Variants in PTPRG observed in about 807,000 individuals in gnomAD.
PTPRG encodes protein tyrosine phosphatase receptor type G.
PTPRG carries 102 observed loss-of-function variants against 165.3 expected under a neutral mutation model. The observed-to-expected ratio is 0.62, with a 90% CI of 0.53 to 0.73. PTPRG has a LOEUF of 0.73. Ranked by LOEUF, PTPRG falls within the 30% of genes least tolerant of loss-of-function variation. The pLI is 0.00. For missense variants in PTPRG, 1,866 were observed against 1,861.4 expected (o/e 1.00, Z -0.05); for synonymous variants, 675 against 669.5 (o/e 1.01, Z -0.13).
At chr3:61,829,562 A>G (rs1425326101) in intron 2 of PTPRG, among the ~76,000 whole-genome samples, 3 of 152,230 alleles carry the variant, frequency 2.0e-5, no homozygotes, top group Admixed American at 6.5e-5. Flanking sequence ...ATACTGTCCA[A>G]CCCTTCCTGC....
chr3:62,287,573 A>G (rs1559767363), intron 28 of PTPRG, among the ~76,000 whole-genome samples: 1 of 152,166 alleles, frequency 6.6e-6, no homozygotes, highest in Non-Finnish European at 1.5e-5. Flanking sequence ...AGAATGTGGA[A>G]GTCACATACA....
chr3:61,713,183 A>T (rs570928444), intron 1 of PTPRG, among the ~76,000 whole-genome samples: 5 of 145,940 alleles, frequency 3.4e-5, no homozygotes, highest in African/African-American at 1.3e-4. Context: ...TTTTTTTGAG[A>T]CGGAGTGTCA....
chr3:61,664,418 T>G (rs1268318672), intron 1 of PTPRG, among the ~76,000 whole-genome samples: 1 of 152,254 alleles, frequency 6.6e-6, no homozygotes, highest in Non-Finnish European at 1.5e-5. Context: ...AATTATTTCT[T>G]TCTGTCACTA....
At position 62,213,743 on chromosome 3, in the gene PTPRG, G is replaced by C. The variant is rs965457973; in HGVS notation, c.2156-5108G>C. ...GGAGGCCTAGGCATGGGGAAGTTTA[G>C]CCTCATGGATTGTCGGTGTCTGAGG... On this transcript the variant is annotated intron_variant, in intron 12 of 29. Transcript: ENST00000474889. This position sits in a 1 kb window ranked among gnomAD's most constrained non-coding sequence, Gnocchi z 4.4. 2.6e-5 allele frequency among the ~76,000 whole-genome samples: 4 copies of C among 152,176 alleles called. No individual in the cohort carries two copies. The highest frequency in any genetic ancestry group is 5.9e-5 in the Non-Finnish European group (4 of 68,044).
intron 2 of PTPRG, among the ~76,000 whole-genome samples, chr3:61,865,512 G>A (rs1409410586): frequency 3.3e-5 from 5 of 152,180 alleles, no homozygotes. Context: ...TGTACCAACT[G>A]TGCATCATTC....
intron 17 of PTPRG, among the ~76,000 whole-genome samples, chr3:62,264,883 T>C (rs1479420079): frequency 6.6e-6 from 1 of 151,796 alleles, no homozygotes; most frequent in African/African-American, 2.4e-5. Flanking sequence ...TTTTCCAAAG[T>C]GGCTATTCAT....
At chr3:62,192,628 G>A (rs1292496280) in intron 9 of PTPRG, among the ~76,000 whole-genome samples, 5 of 151,796 alleles carry the variant, frequency 3.3e-5, no homozygotes, top group African/African-American at 7.3e-5. Context: ...AGCCAGGATG[G>A]TCTCCATCTC....
chr3:62,236,535 G>C (rs999709771), intron 14 of PTPRG, among the ~76,000 whole-genome samples: 4 of 152,138 alleles, frequency 2.6e-5, no homozygotes, highest in African/African-American at 9.7e-5. Context: ...TTTAAATGAG[G>C]GCAGTGTGTA....
intron 2 of PTPRG, chr3:61,753,685 C>T (rs1411932728): frequency 2.4e-6 from 1 of 422,248 alleles, no homozygotes. Flanking sequence ...CCCCTGCTTC[C>T]TGAGTTCAAG....
Position 61,817,649 on chromosome 3 carries a change from G to A in PTPRG, c.190+68667G>A, listed in dbSNP as rs191218217. ...AACCACCTACAGCTACGAGACCTGC[G>A]TGGAATTGGCCCCAGAGGGAAGAGA... On this transcript the variant is annotated intron_variant, in intron 2 of 29. Coordinates refer to ENST00000474889, the MANE Select transcript of PTPRG (RefSeq NM_002841.4). 1.4e-3 allele frequency among the ~76,000 whole-genome samples: 214 copies of A among 152,268 alleles called. 2 individuals are homozygous for A. The highest frequency in any genetic ancestry group is 3.4e-3 in the Middle Eastern group (1 of 294).
intron 8 of PTPRG, among the ~76,000 whole-genome samples, chr3:62,175,778 G>C (rs1460048913): frequency 6.6e-6 from 1 of 152,172 alleles, no homozygotes; most frequent in Non-Finnish European, 1.5e-5. Context: ...GTGGTGAGGT[G>C]GTGGGGAGGA....
intron 8 of PTPRG, among the ~76,000 whole-genome samples, chr3:62,173,771 CTTG>C (rs1705311212): frequency 6.6e-6 from 1 of 152,164 alleles, no homozygotes; most frequent in African/African-American, 2.4e-5. Context: ...TGATCGTGAA[CTTG>C]AGGCAGCCAG....
chr3:61,688,091 T>A (rs1015914114), intron 1 of PTPRG, among the ~76,000 whole-genome samples: 1 of 152,226 alleles, frequency 6.6e-6, no homozygotes, highest in South Asian at 2.1e-4. Context: ...ATCACTTTCA[T>A]GACCTTGGCT....
intron 12 of PTPRG, among the ~76,000 whole-genome samples, chr3:62,216,106 T>G (rs1164234502): frequency 6.6e-6 from 1 of 151,484 alleles, no homozygotes; most frequent in East Asian, 2.0e-4. Context: ...TAATTCCAGG[T>G]ACTTGGAGGG....
At chr3:61,852,434 AAGACAC>A (rs2036988916) in intron 2 of PTPRG, among the ~76,000 whole-genome samples, 2 of 152,232 alleles carry the variant, frequency 1.3e-5, no homozygotes, top group African/African-American at 4.8e-5. Flanking sequence ...ATTTTACAGT[AAGACAC>A]AGATCTATGT....
chr3:62,129,963 A>G (rs1214235321), intron 5 of PTPRG, among the ~76,000 whole-genome samples: 1 of 152,222 alleles, frequency 6.6e-6, no homozygotes, highest in Non-Finnish European at 1.5e-5. Flanking sequence ...TCAAAAAACT[A>G]CTGGTATCAT....
intron 6 of PTPRG, among the ~76,000 whole-genome samples, chr3:62,143,835 A>T (rs1704018361): frequency 6.6e-6 from 1 of 152,172 alleles, no homozygotes. Flanking sequence ...ACCCCAGTAC[A>T]AATTACTGAA....
chr3:62,269,310 T>C (rs756761126), intron 20 of PTPRG, 141 bp downstream of exon 20: 76 of 869,616 alleles, frequency 8.7e-5, no homozygotes, highest in Non-Finnish European at 1.2e-4. Context: ...ACTCTTTTGA[T>C]TGACATCAGT....
chr3:62,155,603 A>G (rs1424930939), intron 6 of PTPRG, among the ~76,000 whole-genome samples: 1 of 152,254 alleles, frequency 6.6e-6, no homozygotes, highest in Non-Finnish European at 1.5e-5. Context: ...AATACTCAGA[A>G]TAGTGCCTGG....
Sources: allele counts gnomAD v4.1 joint callset (sites outside exome capture counted in the v4.1 genomes callset), GRCh38; gene constraint gnomAD v4.1.1; non-coding constraint Gnocchi (gnomAD v3.1); transcripts MANE v1.5; gene names NCBI Gene and HGNC (gene_info 2026-07-23, HGNC 2026-07-21).